TRIM33: variants seen among roughly 807,000 people sequenced by gnomAD.
The protein encoded by TRIM33 is E3 ubiquitin-protein ligase TRIM33.
TRIM33 carries 20 observed loss-of-function variants against 125.4 expected under a neutral mutation model. That is an observed-to-expected ratio of 0.16 (90% CI 0.11 to 0.23). TRIM33 has a LOEUF of 0.23. TRIM33 is among the 10% of genes least tolerant of loss of function. The probability of loss-of-function intolerance (pLI) is 1.00; values close to 1 mark genes in which losing one functional copy is unlikely to be tolerated. For synonymous variants in TRIM33, 564 were observed against 513.9 expected, an observed-to-expected ratio of 1.10 and a Z score of -1.32; for missense variants, 920 against 1,411.4, an observed-to-expected ratio of 0.65 and a Z score of 5.58.
At chr1:114,459,322 TA>T (rs1045921942) in intron 4 of TRIM33, among the ~76,000 whole-genome samples, 3 of 152,094 alleles carry the variant, frequency 2.0e-5, no homozygotes, top group African/African-American at 7.2e-5. Flanking sequence ...TGAATCTCCA[TA>T]AAAACCTGAA....
At chr1:114,421,327 T>C (rs989738057) in intron 11 of TRIM33, 109 bp downstream of exon 11, 4 of 1,063,436 alleles carry the variant, frequency 3.8e-6, no homozygotes, top group Non-Finnish European at 5.5e-6. Context: ...CTTCAGAAAT[T>C]TCAAGGAAAT....
In TRIM33 at chr1:114,510,757, G is replaced by C. The variant is rs915971985; in HGVS notation, c.320C>G (p.Pro107Arg). ...PAPAPASAPA[P>R]GPSAGPPPGP... ...AGGAGGCGGCCCTGCCGAGGGACCC[G>C]GAGCGGGAGCCGAGGCTGGAGCTGG... The change falls in exon 1 of 20, where the codon CCG becomes CGG. Residue 107 changes from proline to arginine, a missense_variant. Physicochemically the swap from Pro to Arg is moderately radical, Grantham distance 103 (BLOSUM62 -2). Transcript: ENST00000358465. The C allele has an allele frequency of 6.6e-7, 1 of 1,523,534 alleles. No individual in the cohort carries two copies. The highest frequency in any genetic ancestry group is 8.8e-7 in the Non-Finnish European group (1 of 1,140,762). 94.4% of individuals were successfully genotyped at this position (1,523,534 alleles called of 1,614,324 possible).
At chr1:114,436,746 TGAGCCACC>T (rs1648335892) in intron 4 of TRIM33, among the ~76,000 whole-genome samples, 1 of 152,062 alleles carries the variant, frequency 6.6e-6, no homozygotes, top group African/African-American at 2.4e-5. Context: ...ATTACAGGCG[TGAGCCACC>T]ACTCCTGGCA....
intron 12 of TRIM33, 34 bp from the exon 13 acceptor site, chr1:114,408,774 C>T (rs1271429837): frequency 7.3e-7 from 1 of 1,365,562 alleles, no homozygotes; most frequent in Middle Eastern, 2.4e-4. Context: ...AATATCAATG[C>T]ATATAAGAAT....
intron 11 of TRIM33, chr1:114,420,235 C>T (rs769848332): frequency 4.5e-5 from 18 of 401,634 alleles, no homozygotes; most frequent in Non-Finnish European, 8.5e-5. Flanking sequence ...AGGTCCTTCA[C>T]ATTCCATCTA....
chr1:114,436,031 A>C (rs993680571), intron 4 of TRIM33, among the ~76,000 whole-genome samples: 2 of 151,302 alleles, frequency 1.3e-5, no homozygotes, highest in African/African-American at 2.4e-5. Flanking sequence ...ATCCAGCCCA[A>C]TTTAACCATT....
At chr1:114,495,869 G>C (rs1652338673) in intron 1 of TRIM33, among the ~76,000 whole-genome samples, 1 of 152,084 alleles carries the variant, frequency 6.6e-6, no homozygotes, top group Non-Finnish European at 1.5e-5. Flanking sequence ...CAAATATCTG[G>C]TTTACTGAAA....
Position 114,511,197 on chromosome 1 carries a change from G to C in TRIM33, c.-121C>G. The C allele has an allele frequency of 1.0e-6, 1 of 956,638 alleles. No homozygotes were observed. The highest frequency in any genetic ancestry group is 1.8e-5 in the African/African-American group (1 of 56,864). 59.3% of individuals were successfully genotyped at this position (956,638 alleles called of 1,614,324 possible). ...GCGGCAGCCGAGAGCTAGCGAGAGA[G>C]CGAACCAACGAGAGCGCGCGCGCAC... On this transcript the variant is annotated 5_prime_UTR_variant, in exon 1 of 20. Coordinates refer to ENST00000358465, the MANE Select transcript of TRIM33 (RefSeq NM_015906.4).
intron 4 of TRIM33, among the ~76,000 whole-genome samples, 163 bp downstream of exon 4, chr1:114,462,941 A>C (rs1013424329): frequency 6.6e-6 from 1 of 152,222 alleles, no homozygotes; most frequent in Non-Finnish European, 1.5e-5. Context: ...GAAATCTTTA[A>C]ATAATTTACC....
chr1:114,416,414 TTAATA>T (rs1652946921), intron 11 of TRIM33, among the ~76,000 whole-genome samples: 1 of 152,218 alleles, frequency 6.6e-6, no homozygotes, highest in African/African-American at 2.4e-5. Flanking sequence ...ATTCTTCATT[TTAATA>T]TATTTCTTCT....
chr1:114,437,144 C>T (rs1412931169), intron 4 of TRIM33, among the ~76,000 whole-genome samples: 1 of 152,120 alleles, frequency 6.6e-6, no homozygotes, highest in Non-Finnish European at 1.5e-5. Context: ...TTGTTACATT[C>T]ATGTGAACAA....
At chr1:114,481,106 G>C (rs936001419) in intron 1 of TRIM33, among the ~76,000 whole-genome samples, 13 of 151,902 alleles carry the variant, frequency 8.6e-5, no homozygotes, top group African/African-American at 3.1e-4. Flanking sequence ...CCAGGAGACG[G>C]AGGTTGCAAT....
chr1:114,510,164 C>G (rs1653253266), intron 1 of TRIM33, among the ~76,000 whole-genome samples: 1 of 152,132 alleles, frequency 6.6e-6, no homozygotes, highest in South Asian at 2.1e-4. Flanking sequence ...TACCTCTTAC[C>G]TACTCCCTCA....
intron 11 of TRIM33, among the ~76,000 whole-genome samples, chr1:114,419,811 T>C (rs1653165015): frequency 6.6e-6 from 1 of 152,216 alleles, no homozygotes; most frequent in Admixed American, 6.5e-5. Flanking sequence ...TGTTAATTTG[T>C]TTCACCATAG....
At chr1:114,404,578 G>A (rs1260874947) in intron 15 of TRIM33, 1 of 152,084 alleles carries the variant, frequency 6.6e-6, no homozygotes, top group Non-Finnish European at 1.5e-5. Context: ...AGATCAAAGT[G>A]CCAATGCTTT....
At chr1:114,484,749 C>CAGTT (rs751877882) in intron 1 of TRIM33, among the ~76,000 whole-genome samples, 1 of 152,118 alleles carries the variant, frequency 6.6e-6, no homozygotes, top group Non-Finnish European at 1.5e-5. Flanking sequence ...CCAGTAGTCC[C>CAGTT]AGTTACTCAG....
At chr1:114,509,307 A>C (rs1303002606) in intron 1 of TRIM33, among the ~76,000 whole-genome samples, 2 of 152,170 alleles carry the variant, frequency 1.3e-5, no homozygotes, top group Non-Finnish European at 2.9e-5. Flanking sequence ...TTGAAATTTT[A>C]ATTTTTTTCA....
chr1:114,406,090 G>C (rs1281402260), intron 14 of TRIM33, among the ~76,000 whole-genome samples: 1 of 152,106 alleles, frequency 6.6e-6, no homozygotes, highest in East Asian at 1.9e-4. Context: ...TTCACACCCA[G>C]AATCTTTTGC....
chr1:114,414,547 G>GC (rs1178400334), intron 11 of TRIM33, among the ~76,000 whole-genome samples: 2 of 151,896 alleles, frequency 1.3e-5, no homozygotes, highest in Non-Finnish European at 2.9e-5. Flanking sequence ...CTCTTACCCC[G>GC]CTTCCAGGTT....
Sources: allele counts gnomAD v4.1 joint callset (sites outside exome capture counted in the v4.1 genomes callset), GRCh38; gene constraint gnomAD v4.1.1; transcripts MANE v1.5; gene names NCBI Gene and HGNC (gene_info 2026-07-23, HGNC 2026-07-21).